Variants in PASK observed in about 807,000 individuals in gnomAD.
PASK encodes the protein PAS domain-containing serine/threonine-protein kinase.
PASK carries 110 observed loss-of-function variants against 121.0 expected under a neutral mutation model. That is an observed-to-expected ratio of 0.91 (90% CI 0.78 to 1.06). The LOEUF is 1.06. Ranked by LOEUF, PASK falls within the 50% of genes least tolerant of loss-of-function variation. PASK has a pLI of 0.00. For missense variants in PASK, 1,643 were observed against 1,702.3 expected, an observed-to-expected ratio of 0.97 and a Z score of 0.61; for synonymous variants, 686 against 717.8, an observed-to-expected ratio of 0.96 and a Z score of 0.71.
At position 241,135,992 on chromosome 2, in the gene PASK, C is replaced by A. The variant is rs752960244; in HGVS notation, c.1185G>T (p.Ala395=). ...CTGGGAGCTGTAATGAGCTGTTGTACGCAAGGTCCATGTAGCTGTAGAAAC... is the reference window on the plus strand; with the variant it reads ...CTGGGAGCTGTAATGAGCTGTTGTAAGCAAGGTCCATGTAGCTGTAGAAAC... ...IPGFYSYMDL[A]YNSSLQLPDL... The change falls in exon 8 of 18, where the codon GCG becomes GCT. Residue 395 remains alanine (A), a synonymous_variant. Coordinates refer to ENST00000234040, the MANE Select transcript of PASK (RefSeq NM_015148.4). 1 of 1,613,944 alleles carries A rather than the reference C, an allele frequency of 6.2e-7. No homozygotes were observed. Among genetic ancestry groups the A allele is most frequent in the Non-Finnish European group, 8.5e-7 (1 of 1,179,794 alleles).
At chr2:241,150,028 A>C, upstream of PASK, 1 of 1,386,088 alleles carries the variant, frequency 7.2e-7, no homozygotes, top group South Asian at 1.5e-5. Flanking sequence ...GTACAGACGC[A>C]GCCAGCGAGG....
chr2:241,145,532 A>G (rs531129978), intron 1 of PASK, among the ~76,000 whole-genome samples: 216 of 152,212 alleles, frequency 1.4e-3, no homozygotes, highest in Admixed American at 4.2e-3. Flanking sequence ...TGGGGTAGGG[A>G]AAGTTTTCTT....
chr2:241,127,676 A>C, intron 9 of PASK: 2 of 562,224 alleles, frequency 3.6e-6, no homozygotes, highest in Non-Finnish European at 3.2e-6. Flanking sequence ...AATGCTACCA[A>C]AAGCCCAACA....
intron 11 of PASK, 56 bp from the exon 12 acceptor site, chr2:241,122,955 C>A: frequency 6.4e-7 from 1 of 1,558,574 alleles, no homozygotes; most frequent in South Asian, 1.2e-5. Context: ...GGCAGAGGTG[C>A]AGCACCCACA....
At chr2:241,123,928 G>T in intron 11 of PASK, 21 bp downstream of exon 11, 1 of 1,601,678 alleles carries the variant, frequency 6.2e-7, no homozygotes, top group Non-Finnish European at 8.5e-7. Flanking sequence ...TCCAGGGCAG[G>T]CATTGATTGC....
At chr2:241,150,130 G>A (rs1001016014), upstream of PASK, 5 of 1,266,398 alleles carry the variant, frequency 3.9e-6, no homozygotes, top group Non-Finnish European at 5.0e-6. Context: ...CGCCTCCGAG[G>A]TCGAGACAGT....
Position 241,115,427 on chromosome 2 carries a change from A to G in PASK, c.3073-14T>C, listed in dbSNP as rs1295510795. On this transcript the variant is annotated splice_polypyrimidine_tract_variant and intron_variant, in intron 12 of 17. Transcript: ENST00000234040. ...CTTCACCACCACCTGTGAGGAAGAC[A>G]GAGCGTAGTGGAAATAGCTGGAGCC... The G allele has an allele frequency of 6.2e-7, 1 of 1,613,762 alleles. No individual in the cohort carries two copies. Among genetic ancestry groups the G allele is most frequent in the African/African-American group, 1.3e-5 (1 of 74,934 alleles).
intron 6 of PASK, 85 bp from the exon 7 acceptor site, chr2:241,137,349 AC>A: frequency 1.8e-6 from 2 of 1,083,782 alleles, no homozygotes; most frequent in Non-Finnish European, 1.4e-6. Context: ...CCCGACTTCT[AC>A]CCCACGTCAT....
Position 241,108,257 on chromosome 2 carries a change from G to C in PASK, c.3577C>G (p.Leu1193Val), listed in dbSNP as rs781473332. ...ELEMWSLGVT[L>V]YTLVFEENPF... is the part of the protein sequence containing the mutation. ...TTCTCCTCAAAGACCAGCGTGTACAGAGTGACTCCCAGAGACCACATCTCC... is the reference window on the plus strand; with the variant it reads ...TTCTCCTCAAAGACCAGCGTGTACACAGTGACTCCCAGAGACCACATCTCC... Residue 1193 changes from leucine to valine, a missense_variant, in exon 16 of 18, where the codon CTG (leucine) becomes GTG (valine). Leu to Val is a conservative substitution (Grantham distance 32). This residue lies in a region of PASK where 453 missense variants were observed against 511.2 expected (regional missense o/e 0.89). Coordinates refer to ENST00000234040, the MANE Select transcript of PASK (RefSeq NM_015148.4). The surrounding 1 kb of genome is among the most constrained non-coding windows in gnomAD (Gnocchi z 5.2). 6.2e-7 allele frequency: 1 copy of C among 1,613,988 alleles called. No homozygotes were observed. The highest frequency in any genetic ancestry group is 1.1e-5 in the South Asian group (1 of 91,070).
intron 9 of PASK, among the ~76,000 whole-genome samples, chr2:241,132,344 G>A (rs778391241): frequency 6.6e-6 from 1 of 151,216 alleles, no homozygotes; most frequent in Admixed American, 6.6e-5. Flanking sequence ...CCAACATGGT[G>A]AAACTAAAAA....
chr2:241,129,197 C>T (rs1381672536), intron 9 of PASK, among the ~76,000 whole-genome samples: 4 of 152,160 alleles, frequency 2.6e-5, no homozygotes, highest in Admixed American at 6.5e-5. Flanking sequence ...AAGCCCCTTG[C>T]CAAAGAGTCT....
intron 8 of PASK, among the ~76,000 whole-genome samples, 173 bp downstream of exon 8, chr2:241,135,698 G>A (rs943168663): frequency 2.0e-5 from 3 of 150,982 alleles, no homozygotes; most frequent in Admixed American, 6.6e-5. Flanking sequence ...CACAGCCCCC[G>A]AGACAGAGAG....
chr2:241,140,639 C>G lies in PASK; in HGVS notation c.311G>C (p.Ser104Thr). Reference protein sequence around the residue: ...EHTDPSEPRGSVSCCSLLRGL... With the variant: ...EHTDPSEPRGTVSCCSLLRGL... ...CCGCAGCAGGGAGCAGCAGGACACA[C>G]TGCCCCGCGGTTCGGACGGGTCCGT... is the stretch of plus-strand genomic sequence containing the variant. The change falls in exon 3 of 18, where the codon AGT (serine) becomes ACT (threonine). Residue 104 changes from serine (S) to threonine (T), a missense_variant. Coordinates refer to ENST00000234040, the MANE Select transcript of PASK (RefSeq NM_015148.4). The G allele has an allele frequency of 6.2e-7, 1 of 1,614,102 alleles. No homozygotes were observed.
At position 241,137,417 on chromosome 2, in the gene PASK, C is replaced by T. The variant is rs984255316; in HGVS notation, c.877-153G>A. On this transcript the variant is annotated intron_variant, in intron 6 of 17. Coordinates refer to ENST00000234040, the MANE Select transcript of PASK (RefSeq NM_015148.4). ...CACTGCTCTGCCTTCCCTCTCCTCC[C>T]AGGCCCAGCTGGCCCAGGAAAGAGC... Among the ~76,000 whole-genome samples the T allele has an allele frequency of 3.3e-5, 5 of 152,346 alleles. No homozygotes were observed. In the South Asian group the frequency reaches 1.0e-3, roughly 32 times the overall value.
intron 1 of PASK, among the ~76,000 whole-genome samples, chr2:241,144,661 T>C (rs1179677119): frequency 6.6e-6 from 1 of 152,174 alleles, no homozygotes; most frequent in African/African-American, 2.4e-5. Context: ...CTTCCAGGAA[T>C]AGCGAGCTTG....
chr2:241,132,986 G>A lies in PASK; in HGVS notation c.1351C>T (p.Arg451Ter), dbSNP rs140101325. The A allele has an allele frequency of 3.2e-4, 522 of 1,614,020 alleles. No homozygotes were observed. Among genetic ancestry groups the A allele is most frequent in the Admixed American group, 9.5e-4 (57 of 60,016 alleles). The change falls in exon 9 of 18, where the codon CGA (arginine) becomes TGA (stop). Residue 451 changes from arginine (R) to a stop codon, truncating the protein, a stop_gained. Transcript: ENST00000234040. LOFTEE classifies it high-confidence loss of function. ...VVLAGGHVVPRDEIRKLMESQ... is the reference protein window; with the variant it reads ...VVLAGGHVVP Reference sequence around the variant, plus strand: ...TCCATCAGCTTCCGGATCTCATCTCGGGGCACAACGTGGCCACCAGCAAGC... The same window carrying A: ...TCCATCAGCTTCCGGATCTCATCTCAGGGCACAACGTGGCCACCAGCAAGC...
chr2:241,111,213 C>T (rs1333187007), intron 15 of PASK, among the ~76,000 whole-genome samples: 2 of 152,356 alleles, frequency 1.3e-5, no homozygotes, highest in African/African-American at 4.8e-5. Context: ...CTCAGGCCAC[C>T]AGGTCAGGTG....
Position 241,136,039 on chromosome 2 carries a change from T to C in PASK, c.1138A>G (p.Asn380Asp). The change falls in exon 8 of 18, where the codon AAT becomes GAT. Residue 380 changes from asparagine to aspartate, a missense_variant and splice_region_variant. Asn to Asp is a conservative substitution (Grantham distance 23, BLOSUM62 1). Transcript: ENST00000234040. ...GYGKTELLGKNITFLIPGFYS... is the reference protein window; with the variant it reads ...GYGKTELLGKDITFLIPGFYS... The stretch of plus-strand genomic sequence containing the variant: ...AAACCAGGAATCAGGAAAGTGATAT[T>C]CTAGAAAACAAAGCAGGGACATTTC... 1 of 1,613,668 alleles carries C rather than the reference T, an allele frequency of 6.2e-7. No homozygotes were observed. Among genetic ancestry groups the C allele is most frequent in the Non-Finnish European group, 8.5e-7 (1 of 1,179,616 alleles).
Position 241,126,473 on chromosome 2 carries a change from C to A in PASK, c.2442G>T (p.Arg814=). ...CVDLGQGRRF[R]ESCVGHDPTE... is the part of the protein sequence containing the mutation. ...TTGGATCATGTCCCACACAGCTCTC[C>A]CGGAACCGTCGGCCTTGGCCAAGGT... Residue 814 remains arginine (R), a synonymous_variant, in exon 10 of 18, where the codon CGG becomes CGT. Coordinates refer to ENST00000234040, the MANE Select transcript of PASK (RefSeq NM_015148.4). 6.2e-7 allele frequency: 1 copy of A among 1,614,240 alleles called. No homozygotes were observed.
Sources: gnomAD v4.1 joint callset for allele counts (sites outside exome capture counted in the v4.1 genomes callset) on GRCh38, gnomAD v4.1.1 for gene constraint, gnomAD v4.1.1 regional missense constraint, Gnocchi (gnomAD v3.1) non-coding constraint, MANE v1.5 for transcripts, NCBI Gene and HGNC (gene_info 2026-07-23, HGNC 2026-07-21) for gene names.